PIAS2: variants seen among roughly 807,000 people sequenced by gnomAD.
PIAS2 encodes protein inhibitor of activated STAT 2.
PIAS2 carries 19 observed loss-of-function variants against 69.7 expected under a neutral mutation model. That is an observed-to-expected ratio of 0.27 (90% CI 0.19 to 0.40). PIAS2 has a LOEUF of 0.40. Among genes scored for constraint, PIAS2 ranks in the 10% least tolerant of loss-of-function variants. PIAS2 has a pLI of 1.00. For synonymous variants in PIAS2, 261 were observed against 263.2 expected (o/e 0.99, Z 0.08); for missense variants, 624 against 757.0 (o/e 0.82, Z 2.06).
chr18:46,857,607 G>A (rs575789152), intron 3 of PIAS2, among the ~76,000 whole-genome samples: 2 of 152,138 alleles, frequency 1.3e-5, no homozygotes, highest in African/African-American at 4.8e-5. Flanking sequence ...TGGGAAACAC[G>A]ATGTGAAGAA....
At chr18:46,842,271 T>C (rs1031813641) in intron 8 of PIAS2, among the ~76,000 whole-genome samples, 1 of 137,538 alleles carries the variant, frequency 7.3e-6, no homozygotes, top group African/African-American at 2.8e-5. Flanking sequence ...GGATATGTTA[T>C]GAATGCAAAA....
chr18:46,898,827 C>A (rs1268061412), intron 1 of PIAS2, among the ~76,000 whole-genome samples: 3 of 151,936 alleles, frequency 2.0e-5, no homozygotes, highest in Non-Finnish European at 4.4e-5. Flanking sequence ...AATCCCGTCT[C>A]TACTAAAAAT....
At chr18:46,918,535 A>G (rs963123627), upstream of PIAS2, among the ~76,000 whole-genome samples, 22 of 151,978 alleles carry the variant, frequency 1.4e-4, no homozygotes, top group African/African-American at 4.8e-4. Context: ...GCTCACCGCA[A>G]TGTCTGCCTC....
chr18:46,829,945 C>A, intron 9 of PIAS2, 78 bp from the exon 10 acceptor site: 2 of 1,288,604 alleles, frequency 1.6e-6, no homozygotes, highest in Non-Finnish European at 2.2e-6. Context: ...ATACACATTA[C>A]CTTGAAAACA....
At chr18:46,817,247 T>G in intron 12 of PIAS2, 5 of 983,514 alleles carry the variant, frequency 5.1e-6, no homozygotes, top group Non-Finnish European at 6.0e-6. Flanking sequence ...TTTATAACGC[T>G]AAGTATTGAC....
At chr18:46,838,566 A>C (rs2044802075) in intron 8 of PIAS2, among the ~76,000 whole-genome samples, 1 of 152,240 alleles carries the variant, frequency 6.6e-6, no homozygotes. Context: ...CTTAGAACAG[A>C]AAAAGGTCAG....
intron 2 of PIAS2, among the ~76,000 whole-genome samples, chr18:46,864,901 T>C (rs963082183): frequency 6.6e-6 from 1 of 152,166 alleles, no homozygotes; most frequent in African/African-American, 2.4e-5. Flanking sequence ...TATTCAAGAA[T>C]TAAATGTTTT....
At chr18:46,874,255 T>C (rs780606493) in intron 2 of PIAS2, among the ~76,000 whole-genome samples, 8 of 152,182 alleles carry the variant, frequency 5.3e-5, no homozygotes, top group African/African-American at 7.2e-5. Context: ...ATGCCCCCAA[T>C]AGGTCGCCTA....
Position 46,807,478 on chromosome 18 carries a change from G to A in PIAS2, c.*4955C>T, listed in dbSNP as rs1177923074. Reference sequence around the variant, plus strand: ...AATCTCGGATCACTGCAAATCCTCCGCCTCCTGGGTTCAAGCGATTCTCCT... The same window carrying A: ...AATCTCGGATCACTGCAAATCCTCCACCTCCTGGGTTCAAGCGATTCTCCT... On this transcript the variant is annotated 3_prime_UTR_variant, in exon 14 of 14. Coordinates refer to ENST00000585916, the MANE Select transcript of PIAS2 (RefSeq NM_004671.5). The A allele has an allele frequency of 2.2e-5, 3 of 133,432 alleles. No individual in the cohort carries two copies. Among genetic ancestry groups the A allele is most frequent in the Admixed American group, 8.0e-5 (1 of 12,514 alleles). The allele number at this position is 133,432 out of a possible 1,614,324, so 8.3% of individuals were successfully genotyped here.
rs1427692913 is a variant in PIAS2, at chr18:46,807,373, ATATATATATATTTTTTTTT to A, written c.*5041_*5059del. The A allele has an allele frequency of 3.8e-5, 1 of 26,036 alleles. No homozygotes were observed. The highest frequency in any genetic ancestry group is 2.9e-4 in the African/African-American group (1 of 3,500). 1.6% of individuals were successfully genotyped at this position (26,036 alleles called of 1,614,324 possible). A position where few individuals can be genotyped will look rare whatever the true frequency, so the allele number is the denominator to read the frequency against. On this transcript the variant is annotated 3_prime_UTR_variant, in exon 14 of 14. Coordinates refer to ENST00000585916, the MANE Select transcript of PIAS2 (RefSeq NM_004671.5). ...TCAGATTTTATATATATATATATAT[ATATATATATATTTTTTTTT>A]TTTTTTTTTTTTTTTTTTAGAGAGT...
In PIAS2 at chr18:46,828,000, T is replaced by C; in HGVS notation, c.1467A>G (p.Lys489=). Residue 489 remains lysine (K), a synonymous_variant, in exon 11 of 14, where the codon AAA becomes AAG. Transcript: ENST00000585916. ...TTTGTGTTTCTGACATAAAGATGCATTTCCTTTTGGCAGGAGGGTCTTCCT... is the reference window on the plus strand; with the variant it reads ...TTTGTGTTTCTGACATAAAGATGCACTTCCTTTTGGCAGGAGGGTCTTCCT... ...DEEEDPPAKR[K]CIFMSETQSS... The C allele has an allele frequency of 1.9e-6, 3 of 1,613,964 alleles. No individual in the cohort carries two copies. Among genetic ancestry groups the C allele is most frequent in the Non-Finnish European group, 2.5e-6 (3 of 1,179,896 alleles).
At chr18:46,887,345 G>A (rs1481206224) in intron 2 of PIAS2, among the ~76,000 whole-genome samples, 4 of 151,248 alleles carry the variant, frequency 2.6e-5, no homozygotes, top group Non-Finnish European at 2.9e-5. Flanking sequence ...AAAACCTTCC[G>A]ATTTAACCAA....
intron 2 of PIAS2, among the ~76,000 whole-genome samples, chr18:46,871,536 T>G (rs1303551368): frequency 2.6e-5 from 4 of 152,182 alleles, no homozygotes; most frequent in Non-Finnish European, 5.9e-5. Flanking sequence ...AAGAAGTCAT[T>G]CCATTTAAGG....
intron 1 of PIAS2, among the ~76,000 whole-genome samples, chr18:46,902,336 C>G (rs1206575136): frequency 6.6e-6 from 1 of 151,638 alleles, no homozygotes; most frequent in Admixed American, 6.6e-5. Context: ...GTGGGCAGAT[C>G]ACCTGAGGCC....
Position 46,864,186 on chromosome 18 carries a change from C to T in PIAS2, c.562G>A (p.Val188Ile), listed in dbSNP as rs772705403. ...FFIFALTPQQ[V>I]REICISRDFL... ...TACCTGGATATGCATATCTCTCTAACTTGTTGAGGTGTCAAAGCAAAAATA... is the reference window on the plus strand; with the variant it reads ...TACCTGGATATGCATATCTCTCTAATTTGTTGAGGTGTCAAAGCAAAAATA... Residue 188 changes from valine (V) to isoleucine (I), a missense_variant, in exon 3 of 14, where the codon GTT (valine) becomes ATT (isoleucine). Transcript: ENST00000585916. 2 of 1,587,052 alleles carry T rather than the reference C, an allele frequency of 1.3e-6. No individual in the cohort carries two copies. The highest frequency in any genetic ancestry group is 2.7e-5 in the African/African-American group (2 of 73,746).
chr18:46,873,671 A>G (rs1337023810), intron 2 of PIAS2, among the ~76,000 whole-genome samples: 1 of 152,262 alleles, frequency 6.6e-6, no homozygotes, highest in Non-Finnish European at 1.5e-5. Flanking sequence ...ACAAGGTCTC[A>G]TTAATAGCAA....
chr18:46,812,366 C>T lies in PIAS2; in HGVS notation c.*67G>A. The T allele has an allele frequency of 8.1e-6, 7 of 863,946 alleles. No homozygotes were observed. The highest frequency in any genetic ancestry group is 1.2e-5 in the Non-Finnish European group (7 of 582,552). 53.5% of individuals were successfully genotyped at this position (863,946 alleles called of 1,614,324 possible). ...TAAAAAAAAAAAAAAAAGAACGTTTCCACAGACTAGAGATCCAAGAAAAAG... is the reference window on the plus strand; with the variant it reads ...TAAAAAAAAAAAAAAAAGAACGTTTTCACAGACTAGAGATCCAAGAAAAAG... On this transcript the variant is annotated 3_prime_UTR_variant, in exon 14 of 14. Coordinates refer to ENST00000585916, the MANE Select transcript of PIAS2 (RefSeq NM_004671.5).
rs763051636 is a variant in PIAS2 at position 46,806,352 on chromosome 18, A to ATTTTTTTT, written c.*6080_*6081insAAAAAAAA. ...GAAAATTCTTTGCACAATGCCTGTTACTTTTTTTTTTTTTTTTTTTTTTTT... is the reference window on the plus strand; with the variant it reads ...GAAAATTCTTTGCACAATGCCTGTTATTTTTTTTCTTTTTTTTTTTTTTTTTTTTTTTT... On this transcript the variant is annotated 3_prime_UTR_variant, in exon 14 of 14. Transcript: ENST00000585916. The ATTTTTTTT allele has an allele frequency of 4.8e-5, 2 of 42,014 alleles. No individual in the cohort carries two copies. The highest frequency in any genetic ancestry group is 1.2e-4 in the Non-Finnish European group (2 of 16,856). The allele number at this position is 42,014 out of a possible 1,614,324, so 2.6% of individuals were successfully genotyped here. A position where few individuals can be genotyped will look rare whatever the true frequency, so the allele number is the denominator to read the frequency against.
chr18:46,917,572 C>G (rs1291980332), upstream of PIAS2: 23 of 1,084,074 alleles, frequency 2.1e-5, no homozygotes, highest in Non-Finnish European at 2.6e-5. Context: ...CCCCTGCCCA[C>G]CCGCGCGACC....
Sources: gnomAD v4.1 joint callset for allele counts (sites outside exome capture counted in the v4.1 genomes callset) on GRCh38, gnomAD v4.1.1 for gene constraint, MANE v1.5 for transcripts, NCBI Gene and HGNC (gene_info 2026-07-23, HGNC 2026-07-21) for gene names.